The following STPG2 variants were observed in gnomAD, a reference collection of about 807,000 sequenced individuals.
STPG2 encodes the protein sperm tail PG-rich repeat containing 2, also known as sperm-tail PG-rich repeat-containing protein 2.
In STPG2, 56 loss-of-function variants were observed where a neutral mutation model predicts 54.2. The ratio of observed to expected loss-of-function variants is 1.03; its 90% confidence interval spans 0.83 to 1.29. The LOEUF (loss-of-function observed/expected upper bound fraction) is 1.29. Ranked by LOEUF, STPG2 falls within the 50% of genes most tolerant of loss-of-function variation. STPG2 has a pLI of 0.00. For missense variants in STPG2, 596 were observed against 544.9 expected (o/e 1.09, Z -0.93); for synonymous variants, 200 against 181.8 (o/e 1.10, Z -0.81).
rs536469975 is a variant in STPG2 at position 98,069,748 on chromosome 4, G to A, written c.612+36205C>T. 1.1e-4 allele frequency among the ~76,000 whole-genome samples: 17 copies of A among 151,996 alleles called. No homozygotes were observed. In the South Asian group the frequency reaches 2.7e-3, roughly 24 times the overall value. The stretch of plus-strand genomic sequence containing the variant: ...TAGAAAGATGAAGACAGTAACTTAC[G>A]GCACATATTTATTCATGTTCTCAGA... On this transcript the variant is annotated intron_variant, in intron 5 of 10. Coordinates refer to ENST00000295268, the MANE Select transcript of STPG2 (RefSeq NM_174952.3).
intron 4 of STPG2, among the ~76,000 whole-genome samples, chr4:97,536,649 C>T (rs918170963): frequency 3.9e-5 from 6 of 152,176 alleles, no homozygotes; most frequent in African/African-American, 1.4e-4. Flanking sequence ...GTAAAGGCTT[C>T]AGAGACATGT....
chr4:97,801,738 T>TTACTTTCTTCACAGCA (rs1377156281), intron 9 of STPG2, among the ~76,000 whole-genome samples: 3 of 152,312 alleles, frequency 2.0e-5, no homozygotes, highest in Non-Finnish European at 4.4e-5. Context: ...TCCTTTTTTT[T>TTACTTTCTTCACAGCA]TACTTTCTTC....
intron 5 of STPG2, among the ~76,000 whole-genome samples, chr4:98,066,391 C>T (rs539529411): frequency 6.6e-6 from 1 of 151,954 alleles, no homozygotes; most frequent in African/African-American, 2.4e-5. Context: ...GAGTTTGATA[C>T]CAGCCTGGCC....
At chr4:98,123,671 G>A (rs1295911123) in intron 3 of STPG2, among the ~76,000 whole-genome samples, 1 of 152,128 alleles carries the variant, frequency 6.6e-6, no homozygotes, top group Non-Finnish European at 1.5e-5. Context: ...CTGTTGTTTT[G>A]GGGTAGAGAG....
intron 4 of STPG2, among the ~76,000 whole-genome samples, chr4:97,547,222 T>G (rs1731852952): frequency 6.6e-6 from 1 of 151,890 alleles, no homozygotes; most frequent in Non-Finnish European, 1.5e-5. Flanking sequence ...CTTTTTTTTT[T>G]TTTTTTGAGA....
intron 8 of STPG2, among the ~76,000 whole-genome samples, chr4:97,908,825 T>C (rs1246980916): frequency 8.0e-6 from 1 of 124,454 alleles, no homozygotes; most frequent in Non-Finnish European, 1.6e-5. Context: ...TGAGAACACA[T>C]GGACACGGGA....
At chr4:97,905,928 T>C (rs1433131749) in intron 8 of STPG2, among the ~76,000 whole-genome samples, 1 of 151,946 alleles carries the variant, frequency 6.6e-6, no homozygotes, top group Non-Finnish European at 1.5e-5. Flanking sequence ...AGATCCAAAA[T>C]TGACGCCCTA....
At chr4:97,568,909 T>TTTTG (rs1732526982) in intron 10 of STPG2, among the ~76,000 whole-genome samples, 1 of 143,614 alleles carries the variant, frequency 7.0e-6, no homozygotes, top group African/African-American at 2.8e-5. Flanking sequence ...TGTTTTTTTT[T>TTTTG]TTGTTTGTTT....
chr4:97,735,266 T>G (rs1367052123), intron 9 of STPG2, among the ~76,000 whole-genome samples: 1 of 151,810 alleles, frequency 6.6e-6, no homozygotes, highest in East Asian at 1.9e-4. Flanking sequence ...TGTATCTATA[T>G]ATATATACAT....
At chr4:97,891,820 A>T (rs908274872) in intron 8 of STPG2, among the ~76,000 whole-genome samples, 1 of 152,182 alleles carries the variant, frequency 6.6e-6, no homozygotes, top group Admixed American at 6.6e-5. Flanking sequence ...TAATACAGCA[A>T]TATTTCATTT....
At chr4:97,738,199 C>T (rs949372157) in intron 9 of STPG2, among the ~76,000 whole-genome samples, 1 of 152,152 alleles carries the variant, frequency 6.6e-6, no homozygotes, top group African/African-American at 2.4e-5. Context: ...CCGAAAAGAG[C>T]TCCTGAAGGA....
chr4:97,451,887 A>G (rs1415651961), intron 4 of STPG2, among the ~76,000 whole-genome samples: 1 of 152,214 alleles, frequency 6.6e-6, no homozygotes, highest in Non-Finnish European at 1.5e-5. Flanking sequence ...AAGAACAGAA[A>G]TAGTGATGGC....
At chr4:97,686,082 C>G (rs890721435) in intron 10 of STPG2, among the ~76,000 whole-genome samples, 1 of 152,208 alleles carries the variant, frequency 6.6e-6, no homozygotes, top group African/African-American at 2.4e-5. Flanking sequence ...GATAACACCA[C>G]TCAGTCTTCA....
intron 7 of STPG2, among the ~76,000 whole-genome samples, chr4:97,950,146 T>A (rs939605395): frequency 2.0e-5 from 3 of 152,196 alleles, no homozygotes; most frequent in Admixed American, 1.3e-4. Context: ...GAAATTTTTT[T>A]AATTTCTTTA....
intron 9 of STPG2, among the ~76,000 whole-genome samples, chr4:97,740,468 G>A (rs1478536350): frequency 2.6e-5 from 4 of 152,032 alleles, no homozygotes; most frequent in Admixed American, 6.6e-5. Flanking sequence ...AAACCCCATT[G>A]TCTCAGCCCA....
chr4:98,119,624 C>T (rs910150638), intron 3 of STPG2, among the ~76,000 whole-genome samples: 2 of 150,810 alleles, frequency 1.3e-5, no homozygotes, highest in African/African-American at 4.9e-5. Flanking sequence ...TTTTAAGTTC[C>T]AGGGTATATC....
chr4:97,876,839 T>C (rs1477168560), intron 8 of STPG2, among the ~76,000 whole-genome samples: 1 of 152,118 alleles, frequency 6.6e-6, no homozygotes, highest in African/African-American at 2.4e-5. Context: ...CTCTATGTTT[T>C]CTTAGCCTGG....
chr4:97,977,843 C>T (rs1278449858), intron 6 of STPG2, among the ~76,000 whole-genome samples: 5 of 152,156 alleles, frequency 3.3e-5, no homozygotes, highest in Non-Finnish European at 5.9e-5. Context: ...GAAACTAGAG[C>T]GACCTGATGA....
chr4:98,099,283 T>C (rs1027053923), intron 5 of STPG2, among the ~76,000 whole-genome samples: 1 of 126,670 alleles, frequency 7.9e-6, no homozygotes, highest in African/African-American at 3.1e-5. Flanking sequence ...TATTTAGCCA[T>C]ACAAAAGAAT....
Sources: allele counts gnomAD v4.1 joint callset (sites outside exome capture counted in the v4.1 genomes callset), GRCh38; gene constraint gnomAD v4.1.1; transcripts MANE v1.5; gene names NCBI Gene and HGNC (gene_info 2026-07-23, HGNC 2026-07-21).